GRIN2B: variants seen among roughly 807,000 people sequenced by gnomAD.
The protein encoded by GRIN2B is glutamate ionotropic receptor NMDA type subunit 2B.
In GRIN2B, 5 loss-of-function variants were observed where a neutral mutation model predicts 114.5. The observed-to-expected ratio is 0.04, with a 90% CI of 0.02 to 0.09. The LOEUF (loss-of-function observed/expected upper bound fraction) is 0.09, where lower values mean the gene tolerates loss of function less well. Among genes scored for constraint, GRIN2B ranks in the 10% least tolerant of loss-of-function variants. The pLI, the probability that GRIN2B is intolerant of heterozygous loss-of-function variation, is 1.00. For synonymous variants in GRIN2B, 787 were observed against 745.1 expected (o/e 1.06, Z -0.92); for missense variants, 1,108 against 1,943.5 (o/e 0.57, Z 8.08).
intron 3 of GRIN2B, among the ~76,000 whole-genome samples, chr12:13,759,546 A>G (rs577441569): frequency 6.6e-6 from 1 of 152,262 alleles, no homozygotes; most frequent in East Asian, 1.9e-4. Flanking sequence ...ACTGAATCCA[A>G]TTAGACTTTC....
intron 2 of GRIN2B, among the ~76,000 whole-genome samples, chr12:13,975,903 G>A (rs963058902): frequency 6.6e-6 from 1 of 152,214 alleles, no homozygotes; most frequent in African/African-American, 2.4e-5. Context: ...CAAGGTAGAC[G>A]TGCATGAGGT....
rs377126465 is a variant in GRIN2B at position 13,859,993 on chromosome 12, G to A, written c.411+5805C>T. Reference sequence around the variant, plus strand: ...CTAAAAGCAAGGTAACAATCTAACAGACACCAGAAATTAGTGAAGAAGCGT... The same window carrying A: ...CTAAAAGCAAGGTAACAATCTAACAAACACCAGAAATTAGTGAAGAAGCGT... On this transcript the variant is annotated intron_variant, in intron 3 of 13. Transcript: ENST00000609686. Among the ~76,000 whole-genome samples the A allele has an allele frequency of 4.3e-4, 66 of 152,304 alleles. No homozygotes were observed. In the South Asian group the frequency reaches 0.012, roughly 29 times the overall value.
intron 4 of GRIN2B, among the ~76,000 whole-genome samples, chr12:13,704,818 A>C (rs1469438875): frequency 6.6e-6 from 1 of 152,220 alleles, no homozygotes; most frequent in African/African-American, 2.4e-5. Flanking sequence ...AAGCTCAAAA[A>C]TGTTAACCAT....
chr12:13,877,587 G>C (rs1289148468), intron 2 of GRIN2B, among the ~76,000 whole-genome samples: 1 of 152,116 alleles, frequency 6.6e-6, no homozygotes, highest in African/African-American at 2.4e-5. Context: ...ATTATAGGAT[G>C]GGTAGAATAA....
intron 10 of GRIN2B, among the ~76,000 whole-genome samples, chr12:13,579,036 G>A (rs1284566015): frequency 6.6e-6 from 1 of 152,160 alleles, no homozygotes; most frequent in South Asian, 2.1e-4. Context: ...GAACAAGGGG[G>A]CTGTCTCGAT....
At chr12:13,725,059 A>G (rs959808060) in intron 4 of GRIN2B, among the ~76,000 whole-genome samples, 1 of 152,140 alleles carries the variant, frequency 6.6e-6, no homozygotes, top group South Asian at 2.1e-4. Flanking sequence ...TAATGCTTGT[A>G]TAGCAATTGC....
intron 2 of GRIN2B, among the ~76,000 whole-genome samples, chr12:13,975,563 C>T (rs1373855883): frequency 2.0e-5 from 3 of 152,202 alleles, no homozygotes; most frequent in African/African-American, 7.2e-5. Context: ...TTCTTGATCT[C>T]ATCTAACAAC....
rs373066096 is a variant in GRIN2B at position 13,560,072 on chromosome 12, T to C, written c.*2711A>G. ...TAGAAGATAGGAGTCAGACCTGGGGTTTGCTTAGAGCCAAATTGAACCCTA... is the reference window on the plus strand; with the variant it reads ...TAGAAGATAGGAGTCAGACCTGGGGCTTGCTTAGAGCCAAATTGAACCCTA... On this transcript the variant is annotated 3_prime_UTR_variant, in exon 14 of 14. Transcript: ENST00000609686. 5.9e-5 allele frequency: 9 copies of C among 152,134 alleles called. No individual in the cohort carries two copies. In the East Asian group the frequency reaches 1.4e-3, roughly 23 times the overall value. 9.4% of individuals were successfully genotyped at this position (152,134 alleles called of 1,614,324 possible).
At chr12:13,730,000 T>TA (rs1233616331) in intron 4 of GRIN2B, among the ~76,000 whole-genome samples, 4 of 139,832 alleles carry the variant, frequency 2.9e-5, no homozygotes, top group Non-Finnish European at 6.1e-5. Context: ...TTTTTTTTTT[T>TA]AATTTCAGGA....
intron 2 of GRIN2B, among the ~76,000 whole-genome samples, chr12:13,942,943 T>G (rs977454549): frequency 6.6e-6 from 1 of 152,056 alleles, no homozygotes; most frequent in African/African-American, 2.4e-5. Flanking sequence ...GGCATTTTGA[T>G]CACATCCTTG....
chr12:13,556,902 A>G lies in GRIN2B; in HGVS notation c.*5881T>C, dbSNP rs1948484597. ...TTTCTAACTTTCCCTACTTATTCCC[A>G]GTACTGCTATTCTAACCCATTACTC... is the stretch of plus-strand genomic sequence containing the variant. On this transcript the variant is annotated 3_prime_UTR_variant, in exon 14 of 14. Coordinates refer to ENST00000609686, the MANE Select transcript of GRIN2B (RefSeq NM_000834.5). 6.6e-6 allele frequency: 1 copy of G among 152,232 alleles called. No individual in the cohort carries two copies. The highest frequency in any genetic ancestry group is 1.5e-5 in the Non-Finnish European group (1 of 68,030). 9.4% of individuals were successfully genotyped at this position (152,232 alleles called of 1,614,324 possible).
chr12:13,558,814 A>G lies in GRIN2B; in HGVS notation c.*3969T>C, dbSNP rs1179437450. The G allele has an allele frequency of 6.6e-6, 1 of 152,238 alleles. No individual in the cohort carries two copies. Among genetic ancestry groups the G allele is most frequent in the African/African-American group, 2.4e-5 (1 of 41,456 alleles). The allele number at this position is 152,238 out of a possible 1,614,324, so 9.4% of individuals were successfully genotyped here. A position where few individuals can be genotyped will look rare whatever the true frequency, so the allele number is the denominator to read the frequency against. Reference sequence around the variant, plus strand: ...TTTGAAATAACAAAGTCCACTGTACATGCATCACTTTGAAGGGTGTGCAAA... The same window carrying G: ...TTTGAAATAACAAAGTCCACTGTACGTGCATCACTTTGAAGGGTGTGCAAA... On this transcript the variant is annotated 3_prime_UTR_variant, in exon 14 of 14. Transcript: ENST00000609686.
intron 2 of GRIN2B, among the ~76,000 whole-genome samples, chr12:13,878,593 T>G (rs916722070): frequency 2.0e-5 from 3 of 152,208 alleles, no homozygotes; most frequent in Non-Finnish European, 4.4e-5. Flanking sequence ...AGTTCCACAA[T>G]AATACCTATG....
intron 3 of GRIN2B, among the ~76,000 whole-genome samples, chr12:13,784,524 T>A (rs1282357586): frequency 6.6e-6 from 1 of 152,148 alleles, no homozygotes; most frequent in East Asian, 1.9e-4. Context: ...CAATGTGACT[T>A]CGCTGTCTCC....
At chr12:13,652,591 T>C (rs572136853) in intron 5 of GRIN2B, among the ~76,000 whole-genome samples, 1 of 152,156 alleles carries the variant, frequency 6.6e-6, no homozygotes, top group East Asian at 2.0e-4. Flanking sequence ...CAATTTATTA[T>C]GCATGGGTAT....
intron 4 of GRIN2B, among the ~76,000 whole-genome samples, chr12:13,709,131 C>G (rs1343860580): frequency 6.6e-6 from 1 of 151,956 alleles, no homozygotes; most frequent in Non-Finnish European, 1.5e-5. Context: ...CATGGCACAC[C>G]TATCTGAGGT....
chr12:13,840,135 C>T (rs1427927134), intron 3 of GRIN2B, among the ~76,000 whole-genome samples: 2 of 152,130 alleles, frequency 1.3e-5, no homozygotes, highest in Non-Finnish European at 2.9e-5. Context: ...CACTACAGTG[C>T]GTAACGTACT....
At position 13,615,075 on chromosome 12, in the gene GRIN2B, A is replaced by G; in HGVS notation, c.1654+39T>C. The G allele has an allele frequency of 6.4e-7, 1 of 1,570,950 alleles. No homozygotes were observed. Among genetic ancestry groups the G allele is most frequent in the Non-Finnish European group, 8.8e-7 (1 of 1,140,724 alleles). ...TTTTCCTTATTTCACTTCCCCATCC[A>G]TACGTCCATTTCCTTCCACCAGCAA... is the stretch of plus-strand genomic sequence containing the variant. On this transcript the variant is annotated intron_variant, in intron 8 of 13. Transcript: ENST00000609686. This position sits in a 1 kb window ranked among gnomAD's most constrained non-coding sequence, Gnocchi z 5.8.
rs144710946 is a variant in GRIN2B at position 13,607,803 on chromosome 12, T to A, written c.2010+800A>T. ...GTAGAAAATTTGTTGTAAGCGCAAGTCTCCAAAATTATTTTGGCCATAAGC... is the reference window on the plus strand; with the variant it reads ...GTAGAAAATTTGTTGTAAGCGCAAGACTCCAAAATTATTTTGGCCATAAGC... On this transcript the variant is annotated intron_variant, in intron 10 of 13. Transcript: ENST00000609686. Among the ~76,000 whole-genome samples, 474 of 151,994 alleles carry A rather than the reference T, an allele frequency of 3.1e-3. 2 individuals are homozygous for A. The highest frequency in any genetic ancestry group is 0.01 in the African/African-American group (434 of 41,446).
Sources: allele counts gnomAD v4.1 joint callset (sites outside exome capture counted in the v4.1 genomes callset), GRCh38; gene constraint gnomAD v4.1.1; non-coding constraint Gnocchi (gnomAD v3.1); transcripts MANE v1.5; gene names NCBI Gene and HGNC (gene_info 2026-07-23, HGNC 2026-07-21).